The following DOCK9 variants were observed in gnomAD, a reference collection of about 807,000 sequenced individuals.
DOCK9 encodes the protein dedicator of cytokinesis 9, also known as dedicator of cytokinesis protein 9.
A neutral mutation model predicts 263.3 loss-of-function variants in DOCK9; 89 were observed. That is an observed-to-expected ratio of 0.34 (90% CI 0.28 to 0.40). DOCK9 has a LOEUF of 0.40. Among genes scored for constraint, DOCK9 ranks in the 10% least tolerant of loss-of-function variants. The probability of loss-of-function intolerance (pLI) is 1.00; values close to 1 mark genes in which losing one functional copy is unlikely to be tolerated. For missense variants in DOCK9, 2,140 were observed against 2,603.4 expected, an observed-to-expected ratio of 0.82 and a Z score of 3.87; for synonymous variants, 976 against 973.1, an observed-to-expected ratio of 1.00 and a Z score of -0.06.
At chr13:98,860,580 G>T (rs2093833567) in intron 32 of DOCK9, 58 bp from the exon 33 acceptor site, 3 of 1,473,052 alleles carry the variant, frequency 2.0e-6, no homozygotes, top group Admixed American at 2.1e-5. Context: ...TTCCTCCCCT[G>T]TTCTTGGAAG....
intron 1 of DOCK9, among the ~76,000 whole-genome samples, chr13:98,986,395 T>C (rs146361119): frequency 7.2e-4 from 109 of 152,312 alleles, no homozygotes; most frequent in African/African-American, 2.3e-3. Context: ...TCTAGACTCG[T>C]ACTTCTGCAA....
At chr13:98,948,413 G>A (rs2056990858) in intron 2 of DOCK9, among the ~76,000 whole-genome samples, 1 of 152,068 alleles carries the variant, frequency 6.6e-6, no homozygotes, top group South Asian at 2.1e-4. Flanking sequence ...AATATCAGTG[G>A]GAAAAGCACC....
At chr13:98,982,212 A>C (rs1877380833), upstream of DOCK9, among the ~76,000 whole-genome samples, 1 of 152,122 alleles carries the variant, frequency 6.6e-6, no homozygotes, top group African/African-American at 2.4e-5. Flanking sequence ...AACCATGAAA[A>C]CCTCACAGGA....
chr13:98,894,016 A>G (rs1204002518), intron 15 of DOCK9, among the ~76,000 whole-genome samples: 2 of 152,188 alleles, frequency 1.3e-5, no homozygotes, highest in African/African-American at 4.8e-5. Context: ...TGTGCAGAAG[A>G]GAACTCACAC....
chr13:98,914,252 A>T, intron 9 of DOCK9, 76 bp downstream of exon 9: 1 of 1,281,920 alleles, frequency 7.8e-7, no homozygotes, highest in East Asian at 2.5e-5. Flanking sequence ...AACAGATTCC[A>T]TTCTGGACAA....
chr13:98,888,467 A>G lies in DOCK9; in HGVS notation c.1870T>C (p.Phe624Leu). The stretch of plus-strand genomic sequence containing the variant: ...GTGTGTTTTGGTATGCAGGGCACAA[A>G]TTCCTCCACTTCAAACGTGATGGGA... Reference protein sequence around the residue: ...KTPITFEVEEFVPCIPKHTQP... With the variant: ...KTPITFEVEELVPCIPKHTQP... The change falls in exon 17 of 53, where the codon TTT becomes CTT. Residue 624 changes from phenylalanine (F) to leucine (L), a missense_variant. Physicochemically the swap from Phe to Leu is conservative, Grantham distance 22. Around this residue, in one of 2 missense-constraint regions of DOCK9, gnomAD observed 1,521 missense variants for 1,741.7 expected, o/e 0.87. Transcript: ENST00000682017. 6.2e-7 allele frequency: 1 copy of G among 1,613,964 alleles called. No homozygotes were observed.
chr13:99,019,342 C>A (rs1213924368), intron 1 of DOCK9, among the ~76,000 whole-genome samples: 1 of 152,134 alleles, frequency 6.6e-6, no homozygotes, highest in African/African-American at 2.4e-5. Flanking sequence ...ATAATCTATA[C>A]ACACATATAG....
At chr13:98,977,038 TTGG>T (rs1448687228) in intron 1 of DOCK9, among the ~76,000 whole-genome samples, 3 of 152,222 alleles carry the variant, frequency 2.0e-5, no homozygotes, top group African/African-American at 7.2e-5. Flanking sequence ...GCAGGGCATG[TTGG>T]TGGTTTTGTG....
intron 1 of DOCK9, among the ~76,000 whole-genome samples, chr13:99,083,422 C>T (rs780727189): frequency 7.2e-4 from 110 of 152,162 alleles, no homozygotes; most frequent in African/African-American, 2.4e-3. Flanking sequence ...TTTATTATGA[C>T]ACAGTTATGT....
chr13:99,069,199 C>G (rs1414376129), intron 1 of DOCK9, among the ~76,000 whole-genome samples: 5 of 152,198 alleles, frequency 3.3e-5, no homozygotes, highest in African/African-American at 1.2e-4. Context: ...CTGTGATATT[C>G]TGTCCCTTCA....
intron 2 of DOCK9, among the ~76,000 whole-genome samples, chr13:98,944,272 GCT>G (rs2056390775): frequency 1.3e-5 from 2 of 150,662 alleles, no homozygotes; most frequent in Admixed American, 1.3e-4. Flanking sequence ...ATACGTGTGT[GCT>G]CTCTTTCTTC....
chr13:98,965,172 G>A (rs1407031843), intron 1 of DOCK9, among the ~76,000 whole-genome samples: 1 of 152,130 alleles, frequency 6.6e-6, no homozygotes, highest in Non-Finnish European at 1.5e-5. Flanking sequence ...CCACAAACAG[G>A]AGGAGGGGTG....
At chr13:98,896,421 G>A (rs557813183) in intron 15 of DOCK9, among the ~76,000 whole-genome samples, 1 of 149,528 alleles carries the variant, frequency 6.7e-6, no homozygotes, top group Admixed American at 6.7e-5. Context: ...GTAAAATAAG[G>A]TTAAAGAAAG....
chr13:98,797,063 T>C, intron 52 of DOCK9, 52 bp downstream of exon 52: 2 of 1,609,974 alleles, frequency 1.2e-6, no homozygotes, highest in South Asian at 1.1e-5. Flanking sequence ...TAGGGTGTAC[T>C]TGAAACCCCT....
At chr13:98,855,340 G>A (rs1350573231) in intron 34 of DOCK9, among the ~76,000 whole-genome samples, 1 of 152,178 alleles carries the variant, frequency 6.6e-6, no homozygotes, top group African/African-American at 2.4e-5. Flanking sequence ...TTGGGAGGCC[G>A]AGGCGGGCGG....
At chr13:98,845,555 C>A (rs2093362643) in intron 38 of DOCK9, among the ~76,000 whole-genome samples, 1 of 152,168 alleles carries the variant, frequency 6.6e-6, no homozygotes, top group African/African-American at 2.4e-5. Flanking sequence ...GAAATCCATC[C>A]CGAATGTTCT....
chr13:98,816,401 C>A (rs1160134133), intron 45 of DOCK9, among the ~76,000 whole-genome samples: 1 of 152,108 alleles, frequency 6.6e-6, no homozygotes, highest in Non-Finnish European at 1.5e-5. Flanking sequence ...AGATGCAAGT[C>A]GCAGGGGCAG....
intron 8 of DOCK9, 130 bp from the exon 9 acceptor site, chr13:98,914,525 G>T: frequency 2.8e-6 from 2 of 717,236 alleles, no homozygotes; most frequent in Non-Finnish European, 4.6e-6. Flanking sequence ...GGATGCTCCT[G>T]GGAAACACTT....
rs941404964 is a variant in DOCK9, at chr13:98,794,007, G to T, written c.*619C>A. 6.6e-6 allele frequency: 1 copy of T among 152,592 alleles called. No individual in the cohort carries two copies. The highest frequency in any genetic ancestry group is 1.5e-5 in the Non-Finnish European group (1 of 68,102). The allele number at this position is 152,592 out of a possible 1,614,324, so 9.5% of individuals were successfully genotyped here. Reference sequence around the variant, plus strand: ...GTTGCGGTTATTAATATAGGCCTTTGGTTCTAAACTGCTTGACTAGTTTTA... The same window carrying T: ...GTTGCGGTTATTAATATAGGCCTTTTGTTCTAAACTGCTTGACTAGTTTTA... On this transcript the variant is annotated 3_prime_UTR_variant, in exon 53 of 53. Coordinates refer to ENST00000682017, the MANE Select transcript of DOCK9 (RefSeq NM_001366683.2).
Sources: gnomAD v4.1 joint callset for allele counts (sites outside exome capture counted in the v4.1 genomes callset) on GRCh38, gnomAD v4.1.1 for gene constraint, gnomAD v4.1.1 regional missense constraint, MANE v1.5 for transcripts, NCBI Gene and HGNC (gene_info 2026-07-23, HGNC 2026-07-21) for gene names.